CDH18: variants seen among roughly 807,000 people sequenced by gnomAD.
CDH18 encodes cadherin-18.
CDH18 carries 31 observed loss-of-function variants against 67.9 expected under a neutral mutation model. That is an observed-to-expected ratio of 0.46 (90% CI 0.34 to 0.62). The LOEUF (loss-of-function observed/expected upper bound fraction) is 0.62, where lower values mean the gene tolerates loss of function less well. Among genes scored for constraint, CDH18 ranks in the 20% least tolerant of loss-of-function variants. The pLI, the probability that CDH18 is intolerant of heterozygous loss-of-function variation, is 0.01. For missense variants in CDH18, 890 were observed against 975.5 expected, an observed-to-expected ratio of 0.91 and a Z score of 1.17; for synonymous variants, 362 against 347.2, an observed-to-expected ratio of 1.04 and a Z score of -0.48.
intron 5 of CDH18, among the ~76,000 whole-genome samples, chr5:19,629,820 T>A (rs1279942404): frequency 6.6e-6 from 1 of 152,178 alleles, no homozygotes; most frequent in African/African-American, 2.4e-5. Context: ...TCACACTATA[T>A]AGGGATCATT....
At chr5:19,590,484 G>GATAGATA (rs1554054151) in intron 7 of CDH18, among the ~76,000 whole-genome samples, 1 of 149,702 alleles carries the variant, frequency 6.7e-6, no homozygotes, top group Admixed American at 6.7e-5. Flanking sequence ...CTAGACAGAT[G>GATAGATA]GATAGATAGA....
chr5:19,744,500 G>C (rs1297575165), intron 4 of CDH18, among the ~76,000 whole-genome samples: 1 of 94,792 alleles, frequency 1.1e-5, no homozygotes, highest in Admixed American at 1.2e-4. Flanking sequence ...TATTAACTCA[G>C]TGTACACACA....
At position 19,502,840 on chromosome 5, in the gene CDH18, A is replaced by G. The variant is rs761597276; in HGVS notation, c.1630+152T>C. On this transcript the variant is annotated intron_variant, in intron 11 of 12. Coordinates refer to ENST00000382275, the MANE Select transcript of CDH18 (RefSeq NM_004934.5). ...TTGTACATATGGCTCAATTTTAAACACAAGCTATTCACAGATCATAACACA... is the reference window on the plus strand; with the variant it reads ...TTGTACATATGGCTCAATTTTAAACGCAAGCTATTCACAGATCATAACACA... The G allele has an allele frequency of 7.4e-5, 50 of 671,338 alleles. 1 individual carries two copies. The highest frequency in any genetic ancestry group is 5.4e-5 in the Non-Finnish European group (20 of 368,016). 41.6% of individuals were successfully genotyped at this position (671,338 alleles called of 1,614,324 possible). A position where few individuals can be genotyped will look rare whatever the true frequency, so the allele number is the denominator to read the frequency against.
intron 2 of CDH18, among the ~76,000 whole-genome samples, chr5:20,065,528 C>T (rs906965029): frequency 2.0e-5 from 3 of 151,982 alleles, no homozygotes; most frequent in Admixed American, 1.3e-4. Flanking sequence ...CCAATAAACC[C>T]ATTTTAAGTT....
chr5:19,522,507 C>G (rs769644879), intron 9 of CDH18, among the ~76,000 whole-genome samples: 6 of 152,134 alleles, frequency 3.9e-5, no homozygotes, highest in Admixed American at 3.9e-4. Flanking sequence ...TAATCTAATA[C>G]AAATCCAATG....
intron 5 of CDH18, among the ~76,000 whole-genome samples, chr5:19,711,650 TAAAAA>T (rs3062941): frequency 8.7e-6 from 1 of 115,606 alleles, no homozygotes; most frequent in South Asian, 2.7e-4. Context: ...TAGTATAAAG[TAAAAA>T]AAAAAAAAAA....
intron 1 of CDH18, among the ~76,000 whole-genome samples, chr5:20,546,331 G>T (rs1426481678): frequency 6.6e-6 from 1 of 151,760 alleles, no homozygotes; most frequent in Non-Finnish European, 1.5e-5. Flanking sequence ...ACATTTTCAG[G>T]TTATCTTTAT....
At chr5:19,979,301 G>A (rs1427679801) in intron 2 of CDH18, among the ~76,000 whole-genome samples, 1 of 151,680 alleles carries the variant, frequency 6.6e-6, no homozygotes. Flanking sequence ...TAATTCGTAT[G>A]AACAATGCTG....
At chr5:20,173,496 G>T (rs980862254) in intron 2 of CDH18, among the ~76,000 whole-genome samples, 1 of 152,138 alleles carries the variant, frequency 6.6e-6, no homozygotes, top group East Asian at 1.9e-4. Context: ...AGATGAGGCT[G>T]AGAAAGTCTG....
intron 5 of CDH18, among the ~76,000 whole-genome samples, chr5:19,683,102 ACTCT>A (rs1561034965): frequency 1.3e-5 from 1 of 74,236 alleles, no homozygotes; most frequent in African/African-American, 3.2e-5. Flanking sequence ...TCAACATATA[ACTCT>A]ATCTATCTAT....
At position 19,847,414 on chromosome 5, in the gene CDH18, T is replaced by G. The variant is rs549777648; in HGVS notation, c.-256-8172A>C. Among the ~76,000 whole-genome samples the G allele has an allele frequency of 2.1e-3, 324 of 152,234 alleles. 1 individual carries two copies. Among genetic ancestry groups the G allele is most frequent in the African/African-American group, 7.4e-3 (307 of 41,566 alleles). On this transcript the variant is annotated intron_variant, in intron 2 of 12. Coordinates refer to ENST00000382275, the MANE Select transcript of CDH18 (RefSeq NM_004934.5). ...GCTATAGAACTTTTGCACTAAAATT[T>G]TCAGTTTAGTTGTATTATTCAGATC...
At chr5:20,032,092 G>C (rs1357195869) in intron 2 of CDH18, among the ~76,000 whole-genome samples, 1 of 151,928 alleles carries the variant, frequency 6.6e-6, no homozygotes, top group African/African-American at 2.4e-5. Flanking sequence ...TTTCTAGAAG[G>C]CTATTTCTTC....
intron 3 of CDH18, among the ~76,000 whole-genome samples, chr5:19,772,863 G>A (rs556380019): frequency 6.6e-6 from 1 of 152,198 alleles, no homozygotes; most frequent in African/African-American, 2.4e-5. Context: ...AAGTCTAAGT[G>A]TACAAAACTG....
chr5:20,036,981 A>T (rs553572827), intron 2 of CDH18, among the ~76,000 whole-genome samples: 117 of 151,580 alleles, frequency 7.7e-4, no homozygotes, highest in Non-Finnish European at 1.6e-3. Context: ...ATATTCCTCC[A>T]TCCCTTTATT....
At chr5:19,684,356 T>C (rs1461218899) in intron 5 of CDH18, among the ~76,000 whole-genome samples, 1 of 151,550 alleles carries the variant, frequency 6.6e-6, no homozygotes, top group Non-Finnish European at 1.5e-5. Flanking sequence ...GTATTTAATA[T>C]TTAATATTAG....
intron 1 of CDH18, among the ~76,000 whole-genome samples, chr5:20,571,052 A>C (rs1321198232): frequency 1.3e-5 from 2 of 152,138 alleles, no homozygotes; most frequent in Non-Finnish European, 2.9e-5. Flanking sequence ...TTCCTTACAA[A>C]GCCTGATATC....
intron 1 of CDH18, among the ~76,000 whole-genome samples, chr5:20,423,253 G>C (rs1748005836): frequency 6.6e-6 from 1 of 151,248 alleles, no homozygotes; most frequent in Admixed American, 6.6e-5. Context: ...TGCCTTTTAG[G>C]AAAGACAACA....
intron 3 of CDH18, among the ~76,000 whole-genome samples, chr5:19,802,131 C>A (rs1380213240): frequency 3.9e-5 from 6 of 151,966 alleles, no homozygotes; most frequent in Non-Finnish European, 8.8e-5. Context: ...ATATATGACT[C>A]CCTTATATCA....
At chr5:19,899,869 C>T (rs1369124304) in intron 2 of CDH18, among the ~76,000 whole-genome samples, 1 of 151,936 alleles carries the variant, frequency 6.6e-6, no homozygotes, top group Admixed American at 6.6e-5. Context: ...TCCACTTATA[C>T]GAGGTATCTG....
Sources: allele counts gnomAD v4.1 joint callset (sites outside exome capture counted in the v4.1 genomes callset), GRCh38; gene constraint gnomAD v4.1.1; transcripts MANE v1.5; gene names NCBI Gene and HGNC (gene_info 2026-07-23, HGNC 2026-07-21).